The following HMGCLL1 variants were observed in gnomAD, a reference collection of about 807,000 sequenced individuals.
The protein encoded by HMGCLL1 is 3-hydroxymethyl-3-methylglutaryl-CoA lyase, cytoplasmic.
A neutral mutation model predicts 39.1 loss-of-function variants in HMGCLL1; 36 were observed. The ratio of observed to expected loss-of-function variants is 0.92; its 90% CI spans 0.71 to 1.22. The LOEUF is 1.22. Among genes scored for constraint, HMGCLL1 ranks in the 50% most tolerant of loss-of-function variants. The pLI is 0.00. For missense variants in HMGCLL1, 451 were observed against 416.5 expected, an observed-to-expected ratio of 1.08 and a Z score of -0.72; for synonymous variants, 149 against 144.0, an observed-to-expected ratio of 1.03 and a Z score of -0.25.
chr6:55,584,285 A>G, the HMGCLL1 span, among the ~76,000 whole-genome samples: 1 of 152,170 alleles, frequency 6.6e-6, no homozygotes, highest in East Asian at 1.9e-4. Context: ...TATCACTTCT[A>G]TAAATAAAGA....
At chr6:55,516,005 C>G (rs1241250566) in intron 4 of HMGCLL1, among the ~76,000 whole-genome samples, 3 of 151,744 alleles carry the variant, frequency 2.0e-5, no homozygotes, top group African/African-American at 7.3e-5. Flanking sequence ...ATATAAATTT[C>G]TAAATCACAG....
At chr6:55,608,811 G>A in the HMGCLL1 span, among the ~76,000 whole-genome samples, 46 of 152,312 alleles carry the variant, frequency 3.0e-4, no homozygotes, top group African/African-American at 1.0e-3. Flanking sequence ...TAGCAGCAGC[G>A]TGATGGGAGA....
chr6:55,619,256 A>T, the HMGCLL1 span, among the ~76,000 whole-genome samples: 1 of 152,118 alleles, frequency 6.6e-6, no homozygotes, highest in Non-Finnish European at 1.5e-5. Flanking sequence ...AGTTGAATAC[A>T]TGTGAAATTG....
At chr6:55,548,704 T>C (rs1468409162) in intron 1 of HMGCLL1, among the ~76,000 whole-genome samples, 1 of 151,902 alleles carries the variant, frequency 6.6e-6, no homozygotes, top group East Asian at 1.9e-4. Context: ...AATATAAAAC[T>C]ACATTATGAA....
the HMGCLL1 span, among the ~76,000 whole-genome samples, chr6:55,647,745 C>CTTTT: frequency 1.9e-4 from 22 of 115,840 alleles, no homozygotes; most frequent in African/African-American, 5.2e-4. Flanking sequence ...TTTTTTTTTC[C>CTTTT]TTTTTTTTTT....
chr6:55,528,641 G>GTTTTTT (rs5876457), intron 3 of HMGCLL1, among the ~76,000 whole-genome samples: 1 of 149,186 alleles, frequency 6.7e-6, no homozygotes, highest in Non-Finnish European at 1.5e-5. Context: ...TGAACATCCA[G>GTTTTTT]TTTTTTTTTT....
chr6:55,637,435 A>G, the HMGCLL1 span, among the ~76,000 whole-genome samples: 1 of 132,680 alleles, frequency 7.5e-6, no homozygotes. Context: ...TGTTCACGAA[A>G]AATTGGTCTG....
chr6:55,667,489 G>A, the HMGCLL1 span, among the ~76,000 whole-genome samples: 1 of 151,644 alleles, frequency 6.6e-6, no homozygotes, highest in Non-Finnish European at 1.5e-5. Context: ...ATTTATCCAA[G>A]CCTACTCAGC....
At chr6:55,571,002 T>C (rs1771456828) in intron 1 of HMGCLL1, among the ~76,000 whole-genome samples, 1 of 152,158 alleles carries the variant, frequency 6.6e-6, no homozygotes, top group African/African-American at 2.4e-5. Flanking sequence ...ATGAGACTTA[T>C]TCACTACCAC....
At chr6:55,451,020 A>G (rs1451910914) in intron 7 of HMGCLL1, among the ~76,000 whole-genome samples, 1 of 152,166 alleles carries the variant, frequency 6.6e-6, no homozygotes, top group Admixed American at 6.6e-5. Flanking sequence ...GCTCCCTAAC[A>G]CTTGCTTCTT....
the HMGCLL1 span, among the ~76,000 whole-genome samples, chr6:55,645,266 T>C: frequency 6.6e-6 from 1 of 152,032 alleles, no homozygotes; most frequent in African/African-American, 2.4e-5. Context: ...GAAACTTTAC[T>C]GAATTTGTTT....
chr6:55,518,526 G>C (rs1418916147), intron 3 of HMGCLL1, among the ~76,000 whole-genome samples: 1 of 152,022 alleles, frequency 6.6e-6, no homozygotes, highest in Non-Finnish European at 1.5e-5. Context: ...CCAACTATTA[G>C]AATGTAGTGG....
chr6:55,543,269 ATC>A lies in HMGCLL1; in HGVS notation c.109-1131_109-1130del, dbSNP rs1769653661. 1.2e-4 allele frequency among the ~76,000 whole-genome samples: 2 copies of A among 16,738 alleles called. 1 individual carries two copies. The highest frequency in any genetic ancestry group is 3.6e-4 in the African/African-American group (2 of 5,498). 11.0% of individuals were successfully genotyped at this position (16,738 alleles called of 152,430 possible). ...AGATATATAATATATAATATAATAT[ATC>A]TATATTATATATAATATATTATATA... On this transcript the variant is annotated intron_variant, in intron 1 of 8. Coordinates refer to ENST00000274901, the MANE Select transcript of HMGCLL1 (RefSeq NM_001042406.2).
At chr6:55,584,758 G>C in the HMGCLL1 span, among the ~76,000 whole-genome samples, 2 of 151,986 alleles carry the variant, frequency 1.3e-5, no homozygotes, top group Admixed American at 6.6e-5. Context: ...TGAACCAATT[G>C]AAGTTCTTAT....
At chr6:55,454,095 G>A (rs183774527) in intron 7 of HMGCLL1, among the ~76,000 whole-genome samples, 32 of 152,156 alleles carry the variant, frequency 2.1e-4, no homozygotes, top group Non-Finnish European at 3.8e-4. Flanking sequence ...TTCCCCATTT[G>A]CAGTTGGAGT....
At chr6:55,646,678 A>C in the HMGCLL1 span, among the ~76,000 whole-genome samples, 1 of 151,858 alleles carries the variant, frequency 6.6e-6, no homozygotes, top group East Asian at 1.9e-4. Context: ...TATATTGTTT[A>C]ATTTCCATGT....
intron 7 of HMGCLL1, among the ~76,000 whole-genome samples, chr6:55,473,290 G>A (rs1038241809): frequency 6.6e-6 from 1 of 151,406 alleles, no homozygotes; most frequent in Non-Finnish European, 1.5e-5. Context: ...ATTTATAAAT[G>A]TATTACAGTC....
intron 1 of HMGCLL1, among the ~76,000 whole-genome samples, chr6:55,543,160 T>TATATATA (rs1157412474): frequency 0.027 from 170 of 6,198 alleles, 53 homozygotes; most frequent in South Asian, 0.071. Context: ...ATATATATTA[T>TATATATA]ATATATAATA....
chr6:55,615,295 G>A, the HMGCLL1 span, among the ~76,000 whole-genome samples: 10 of 150,724 alleles, frequency 6.6e-5, no homozygotes, highest in Non-Finnish European at 5.9e-5. Flanking sequence ...GGAAATGATA[G>A]CAACAAAATG....
Sources: allele counts gnomAD v4.1 joint callset (sites outside exome capture counted in the v4.1 genomes callset), GRCh38; gene constraint gnomAD v4.1.1; transcripts MANE v1.5; gene names NCBI Gene and HGNC (gene_info 2026-07-23, HGNC 2026-07-21).